NAV3: variants seen among roughly 807,000 people sequenced by gnomAD.
NAV3 encodes neuron navigator 3.
Under a neutral mutation model 244.7 loss-of-function variants are expected in NAV3, and 87 were observed. The observed-to-expected ratio is 0.36, with a 90% CI of 0.30 to 0.42. The LOEUF (loss-of-function observed/expected upper bound fraction) is 0.42. NAV3 is among the 20% of genes least tolerant of loss of function. NAV3 has a pLI of 1.00. For missense variants in NAV3, 2,663 were observed against 2,893.3 expected (o/e 0.92, Z 1.83); for synonymous variants, 1,126 against 1,042.2 (o/e 1.08, Z -1.55).
chr12:77,607,728 A>G (rs1227702855), intron 2 of NAV3, among the ~76,000 whole-genome samples: 2 of 151,990 alleles, frequency 1.3e-5, no homozygotes, highest in African/African-American at 2.4e-5. Flanking sequence ...CTATTGTCTG[A>G]TCCATTCTCC....
chr12:78,184,208 C>A (rs1413295218), intron 30 of NAV3, among the ~76,000 whole-genome samples: 1 of 151,792 alleles, frequency 6.6e-6, no homozygotes, highest in African/African-American at 2.4e-5. Context: ...CAATATGCAG[C>A]AAAATTTCTG....
chr12:77,574,999 G>T (rs1381423452), intron 2 of NAV3, among the ~76,000 whole-genome samples: 1 of 149,548 alleles, frequency 6.7e-6, no homozygotes, highest in Non-Finnish European at 1.5e-5. Flanking sequence ...AAGAGTTTGG[G>T]TCTTGTAAAT....
In NAV3 at chr12:78,036,836, T is replaced by C. The variant is rs774713205; in HGVS notation, c.2024-13157T>C. On this transcript the variant is annotated intron_variant, in intron 9 of 39. Transcript: ENST00000397909. ...TGTAACAAGACAATATGAAGTCCAATTGAAAGGAAGGAGCCACTGGAAGAA... is the reference window on the plus strand; with the variant it reads ...TGTAACAAGACAATATGAAGTCCAACTGAAAGGAAGGAGCCACTGGAAGAA... The C allele has an allele frequency of 7.6e-6, 5 of 656,240 alleles. No homozygotes were observed. In the Admixed American group the frequency reaches 9.5e-5, roughly 12 times the overall value. 40.7% of individuals were successfully genotyped at this position (656,240 alleles called of 1,614,324 possible). A position where few individuals can be genotyped will look rare whatever the true frequency, so the allele number is the denominator to read the frequency against.
intron 1 of NAV3, among the ~76,000 whole-genome samples, chr12:77,924,114 G>A (rs971198236): frequency 6.6e-6 from 1 of 152,100 alleles, no homozygotes. Context: ...AGTCCACAGT[G>A]TTTCCTGGGG....
chr12:77,672,001 A>T (rs1196311838), intron 2 of NAV3, among the ~76,000 whole-genome samples: 6 of 152,238 alleles, frequency 3.9e-5, no homozygotes, highest in African/African-American at 1.4e-4. Flanking sequence ...TTCACAATCT[A>T]TGCCTCCGAC....
At chr12:78,104,712 C>A (rs1189515085) in intron 12 of NAV3, among the ~76,000 whole-genome samples, 1 of 152,104 alleles carries the variant, frequency 6.6e-6, no homozygotes, top group Non-Finnish European at 1.5e-5. Flanking sequence ...TATTATTGTT[C>A]AGTTCTGAAT....
intron 5 of NAV3, among the ~76,000 whole-genome samples, chr12:77,991,037 A>AT (rs1039516321): frequency 6.6e-6 from 1 of 151,720 alleles, no homozygotes; most frequent in South Asian, 2.1e-4. Flanking sequence ...TTATTTTTTT[A>AT]TTTTTTCTGA....
intron 2 of NAV3, among the ~76,000 whole-genome samples, chr12:77,694,480 A>G (rs1287145786): frequency 6.6e-6 from 1 of 151,894 alleles, no homozygotes; most frequent in East Asian, 1.9e-4. Context: ...TCAATTAAAA[A>G]AAAAAAAAAA....
chr12:77,617,885 T>C (rs1191792629), intron 2 of NAV3, among the ~76,000 whole-genome samples: 1 of 152,198 alleles, frequency 6.6e-6, no homozygotes. Context: ...TTTTACAATT[T>C]TCAAGTCATT....
rs764309767 is a variant in NAV3, at chr12:78,177,112, A to G, written c.5125-29A>G. ...AAAAGCTCTCCAAGTGCAAATAGAC[A>G]AGAAGGGTAATTTCTGTCCTTGTTT... On this transcript the variant is annotated intron_variant, in intron 26 of 39. Transcript: ENST00000397909. 5.6e-6 allele frequency: 9 copies of G among 1,612,118 alleles called. No homozygotes were observed. In the South Asian group the frequency reaches 7.7e-5, roughly 14 times the overall value.
intron 1 of NAV3, among the ~76,000 whole-genome samples, chr12:77,858,165 C>T (rs1297079972): frequency 1.3e-5 from 2 of 151,886 alleles, no homozygotes; most frequent in Admixed American, 6.6e-5. Flanking sequence ...AAAACACAAT[C>T]GCTTATAATA....
chr12:78,153,905 T>C (rs414887), intron 22 of NAV3, among the ~76,000 whole-genome samples: 53,820 of 151,182 alleles, frequency 0.36, 9,903 homozygotes, highest in East Asian at 0.48. Context: ...TTGGACAATT[T>C]TTTGTAGTGG....
At position 78,176,780 on chromosome 12, in the gene NAV3, C is replaced by T. The variant is rs1366441642; in HGVS notation, c.5124+321C>T. Among the ~76,000 whole-genome samples the T allele has an allele frequency of 2.6e-5, 4 of 152,000 alleles. No homozygotes were observed. In the East Asian group the frequency reaches 5.8e-4, roughly 22 times the overall value. ...AGTTTGTACTGTCAGCAGGACATGA[C>T]TTGATTGTAGCGCTAAAGTGGCCAT... is the stretch of plus-strand genomic sequence containing the variant. On this transcript the variant is annotated intron_variant, in intron 26 of 39. Coordinates refer to ENST00000397909, the MANE Select transcript of NAV3 (RefSeq NM_001024383.2).
chr12:77,673,385 CT>C (rs1874075499), intron 2 of NAV3, among the ~76,000 whole-genome samples: 1 of 151,996 alleles, frequency 6.6e-6, no homozygotes, highest in Admixed American at 6.6e-5. Flanking sequence ...GTAATTTCTT[CT>C]TATTCACTGA....
Position 77,961,069 on chromosome 12 carries a change from A to G in NAV3, c.415-5160A>G, listed in dbSNP as rs1891897377. On this transcript the variant is annotated intron_variant, in intron 3 of 39. Transcript: ENST00000397909. Reference sequence around the variant, plus strand: ...ATATGTATATGTTGCATGTATACGCATATATGTATATATGTATATGTTACA... The same window carrying G: ...ATATGTATATGTTGCATGTATACGCGTATATGTATATATGTATATGTTACA... 1.4e-5 allele frequency among the ~76,000 whole-genome samples: 2 copies of G among 146,248 alleles called. 1 individual carries two copies. The highest frequency in any genetic ancestry group is 1.4e-4 in the Admixed American group (2 of 14,456).
chr12:78,194,602 T>A (rs766504140), intron 34 of NAV3, among the ~76,000 whole-genome samples: 1 of 152,046 alleles, frequency 6.6e-6, no homozygotes, highest in Non-Finnish European at 1.5e-5. Flanking sequence ...CACCACATGT[T>A]AAATCACCAT....
chr12:77,839,148 C>A (rs893214651), intron 1 of NAV3, among the ~76,000 whole-genome samples: 1 of 152,168 alleles, frequency 6.6e-6, no homozygotes, highest in Non-Finnish European at 1.5e-5. Flanking sequence ...CCACCATGTA[C>A]CCTCCAGGTT....
intron 1 of NAV3, among the ~76,000 whole-genome samples, chr12:77,858,161 C>A (rs1340529518): frequency 6.6e-6 from 1 of 151,998 alleles, no homozygotes; most frequent in Non-Finnish European, 1.5e-5. Flanking sequence ...AAATAAAACA[C>A]AATCGCTTAT....
At chr12:78,054,221 A>G (rs911756027) in intron 11 of NAV3, among the ~76,000 whole-genome samples, 1 of 152,244 alleles carries the variant, frequency 6.6e-6, no homozygotes, top group Non-Finnish European at 1.5e-5. Flanking sequence ...TAAGAAAAGT[A>G]CAAACATAGA....
Sources: allele counts gnomAD v4.1 joint callset (sites outside exome capture counted in the v4.1 genomes callset), GRCh38; gene constraint gnomAD v4.1.1; transcripts MANE v1.5; gene names NCBI Gene and HGNC (gene_info 2026-07-23, HGNC 2026-07-21).